CENPP: variants seen among roughly 807,000 people sequenced by gnomAD.
The protein encoded by CENPP is centromere protein P.
In CENPP, 24 loss-of-function variants were observed where a neutral mutation model predicts 35.6. The ratio of observed to expected loss-of-function variants is 0.67; its 90% CI spans 0.49 to 0.95. CENPP has a LOEUF of 0.95. Ranked by LOEUF, CENPP falls within the 40% of genes least tolerant of loss-of-function variation. The pLI, the probability that CENPP is intolerant of heterozygous loss-of-function variation, is 0.00. For synonymous variants in CENPP, 120 were observed against 125.5 expected (o/e 0.96, Z 0.29); for missense variants, 332 against 345.3 (o/e 0.96, Z 0.31).
At chr9:92,599,832 T>C (rs1245502493) in intron 5 of CENPP, among the ~76,000 whole-genome samples, 1 of 152,178 alleles carries the variant, frequency 6.6e-6, no homozygotes, top group East Asian at 1.9e-4. Context: ...TTACGAGACA[T>C]GGTCAGATTA....
At chr9:92,456,572 T>C (rs1844885052) in intron 5 of CENPP, 1 of 152,506 alleles carries the variant, frequency 6.6e-6, no homozygotes, top group Non-Finnish European at 1.5e-5. Flanking sequence ...GAGTTACAGA[T>C]TTTATGAAAC....
At chr9:92,523,651 C>T (rs761078835) in intron 5 of CENPP, among the ~76,000 whole-genome samples, 2 of 152,220 alleles carry the variant, frequency 1.3e-5, no homozygotes, top group Non-Finnish European at 2.9e-5. Flanking sequence ...TAATCTATAG[C>T]AGTAGCGGTT....
intron 5 of CENPP, among the ~76,000 whole-genome samples, chr9:92,465,958 G>A (rs565544837): frequency 9.5e-4 from 144 of 151,706 alleles, no homozygotes; most frequent in African/African-American, 3.4e-3. Context: ...TAAGCCTCCC[G>A]AGTAGCTGAG....
intron 5 of CENPP, among the ~76,000 whole-genome samples, chr9:92,530,593 C>T (rs1311895346): frequency 2.6e-5 from 4 of 152,188 alleles, no homozygotes; most frequent in East Asian, 1.9e-4. Flanking sequence ...CAAATTTAGT[C>T]GTTATATCTT....
intron 5 of CENPP, chr9:92,470,559 T>A (rs1845473804): frequency 1.8e-6 from 1 of 568,476 alleles, no homozygotes; most frequent in Non-Finnish European, 2.9e-6. Flanking sequence ...TTTTTGTCAT[T>A]CTTTACAGAA....
chr9:92,515,281 G>A, intron 5 of CENPP: 1 of 1,379,860 alleles, frequency 7.2e-7, no homozygotes, highest in African/African-American at 1.5e-5. Context: ...TGAAAATGAG[G>A]TTAGTAAATA....
At chr9:92,530,283 C>T (rs1246774315) in intron 5 of CENPP, among the ~76,000 whole-genome samples, 3 of 151,978 alleles carry the variant, frequency 2.0e-5, no homozygotes, top group African/African-American at 7.3e-5. Flanking sequence ...AAACTATGGA[C>T]ATTGGGTGAT....
chr9:92,446,660 A>G (rs892077042), intron 5 of CENPP, among the ~76,000 whole-genome samples: 2 of 152,162 alleles, frequency 1.3e-5, no homozygotes, highest in South Asian at 2.1e-4. Context: ...TCAGAAAAGT[A>G]TATTGAACAA....
At chr9:92,551,369 G>T (rs1849583441) in intron 5 of CENPP, among the ~76,000 whole-genome samples, 1 of 151,992 alleles carries the variant, frequency 6.6e-6, no homozygotes, top group South Asian at 2.1e-4. Flanking sequence ...ATAGGGTCTT[G>T]CTCTGTCACC....
At chr9:92,534,476 A>C (rs1174903700) in intron 5 of CENPP, among the ~76,000 whole-genome samples, 1 of 152,202 alleles carries the variant, frequency 6.6e-6, no homozygotes, top group Non-Finnish European at 1.5e-5. Context: ...TCTTCAGCGT[A>C]TATATACATT....
chr9:92,352,825 C>T (rs2130817891), intron 4 of CENPP, among the ~76,000 whole-genome samples: 1 of 151,954 alleles, frequency 6.6e-6, no homozygotes, highest in East Asian at 1.9e-4. Flanking sequence ...AGCCCACTGT[C>T]TCAAATGTTA....
intron 5 of CENPP, among the ~76,000 whole-genome samples, chr9:92,590,887 C>G (rs78993443): frequency 8.7e-4 from 133 of 152,298 alleles, no homozygotes; most frequent in African/African-American, 3.0e-3. Context: ...CCCGTTTATT[C>G]AAACGTGATG....
chr9:92,511,250 C>T (rs546582595), intron 5 of CENPP, among the ~76,000 whole-genome samples: 3 of 152,114 alleles, frequency 2.0e-5, no homozygotes, highest in East Asian at 1.9e-4. Flanking sequence ...CTCAGCCTCC[C>T]GAGTAGCTGG....
chr9:92,577,102 T>A (rs1588290560), intron 5 of CENPP, among the ~76,000 whole-genome samples: 1 of 152,366 alleles, frequency 6.6e-6, no homozygotes, highest in East Asian at 1.9e-4. Flanking sequence ...ATACTGCTGA[T>A]GGAACTGTAA....
intron 5 of CENPP, among the ~76,000 whole-genome samples, chr9:92,567,176 G>T (rs1403829707): frequency 2.0e-5 from 3 of 151,946 alleles, no homozygotes; most frequent in African/African-American, 4.8e-5. Flanking sequence ...GAAATGAAAG[G>T]ACCATAGACA....
intron 5 of CENPP, among the ~76,000 whole-genome samples, chr9:92,578,363 A>G (rs1261224550): frequency 1.3e-5 from 2 of 152,134 alleles, no homozygotes; most frequent in East Asian, 3.9e-4. Flanking sequence ...TAGATCCCTG[A>G]GGAATTGCCA....
rs1426005299 is a variant in CENPP, at chr9:92,524,742, G to A, written c.565-86572G>A. 3.3e-5 allele frequency among the ~76,000 whole-genome samples: 5 copies of A among 152,270 alleles called. No individual in the cohort carries two copies. In the East Asian group the frequency reaches 7.7e-4, roughly 23 times the overall value. On this transcript the variant is annotated intron_variant, in intron 5 of 7. Transcript: ENST00000375587. ...GAACCCAGATCACAACAGATTTGCC[G>A]CTGTTATCTTTTTAATGGGAATTTA...
intron 5 of CENPP, among the ~76,000 whole-genome samples, chr9:92,459,365 G>A (rs1347380819): frequency 6.6e-6 from 1 of 152,234 alleles, no homozygotes; most frequent in Non-Finnish European, 1.5e-5. Context: ...AATTAACTGT[G>A]CCAGCGGCTT....
chr9:92,379,768 A>AAG lies in CENPP; in HGVS notation c.479_480dup (p.Lys161GlufsTer59). On this transcript the variant is annotated frameshift_variant, in exon 5 of 8. Coordinates refer to ENST00000375587, the MANE Select transcript of CENPP (RefSeq NM_001012267.3). LOFTEE classifies it high-confidence loss of function. ...AGAATCATTTATTCCTACAGAGCAGAAGAGAGAAAAGATCTGTTCATGTTT... is the reference window on the plus strand; with the variant it reads ...AGAATCATTTATTCCTACAGAGCAGAAGAGAGAGAAAAGATCTGTTCATGTTT... The AAG allele has an allele frequency of 6.2e-7, 1 of 1,604,958 alleles. No homozygotes were observed. The highest frequency in any genetic ancestry group is 8.5e-7 in the Non-Finnish European group (1 of 1,171,746).
Sources: gnomAD v4.1 joint callset for allele counts (sites outside exome capture counted in the v4.1 genomes callset) on GRCh38, gnomAD v4.1.1 for gene constraint, MANE v1.5 for transcripts, NCBI Gene and HGNC (gene_info 2026-07-23, HGNC 2026-07-21) for gene names.